The following ANKFN1 variants were observed in gnomAD, a reference collection of about 807,000 sequenced individuals.
The protein encoded by ANKFN1 is ankyrin repeat and fibronectin type III domain containing 1, also known as ankyrin repeat and fibronectin type-III domain-containing protein 1.
ANKFN1 carries 74 observed loss-of-function variants against 108.7 expected under a neutral mutation model. The ratio of observed to expected loss-of-function variants is 0.68; its 90% confidence interval spans 0.56 to 0.83. The LOEUF (loss-of-function observed/expected upper bound fraction) is 0.83, where lower values mean the gene tolerates loss of function less well. Ranked by LOEUF, ANKFN1 falls within the 40% of genes least tolerant of loss-of-function variation. The probability of loss-of-function intolerance (pLI) is 0.00; values close to 1 mark genes in which losing one functional copy is unlikely to be tolerated. For synonymous variants in ANKFN1, 547 were observed against 516.2 expected, an observed-to-expected ratio of 1.06 and a Z score of -0.81; for missense variants, 1,505 against 1,382.3, an observed-to-expected ratio of 1.09 and a Z score of -1.41.
At chr17:56,307,421 G>A (rs374689140) in intron 3 of ANKFN1, among the ~76,000 whole-genome samples, 7 of 152,280 alleles carry the variant, frequency 4.6e-5, no homozygotes, top group South Asian at 4.1e-4. Flanking sequence ...GGCGAAGGAT[G>A]TGAACAGACA....
intron 17 of ANKFN1, 71 bp downstream of exon 17, chr17:56,480,889 G>A (rs1053498376): frequency 1.8e-6 from 2 of 1,133,724 alleles, no homozygotes; most frequent in Non-Finnish European, 2.3e-6. Context: ...ATTAAGTGGG[G>A]TGTGTGTGTG....
At chr17:56,310,822 G>C (rs2045000283) in intron 3 of ANKFN1, among the ~76,000 whole-genome samples, 1 of 150,144 alleles carries the variant, frequency 6.7e-6, no homozygotes, top group East Asian at 2.1e-4. Context: ...GTACAATTCA[G>C]TATTATTAAC....
intron 3 of ANKFN1, among the ~76,000 whole-genome samples, chr17:56,303,851 A>ATTTTTTTTTTTTTTTTT (rs34077118): frequency 7.6e-6 from 1 of 131,944 alleles, no homozygotes; most frequent in African/African-American, 2.9e-5. Context: ...CGCTGAGCCA[A>ATTTTTTTTTTTTTTTTT]TTTTTTTTTT....
intron 8 of ANKFN1, among the ~76,000 whole-genome samples, chr17:56,421,308 T>C (rs896254329): frequency 6.6e-6 from 1 of 152,128 alleles, no homozygotes; most frequent in South Asian, 2.1e-4. Flanking sequence ...GAGGAACACA[T>C]AGGCACTGGG....
In ANKFN1 at chr17:56,131,214, T is replaced by A. The variant is rs571348599; in HGVS notation, c.288+84889T>A. On this transcript the variant is annotated intron_variant, in intron 4 of 12. Transcript: ENST00000635860. The stretch of plus-strand genomic sequence containing the variant: ...TCTAGGTAGCTAGAACATAAGATAG[T>A]GATTCCCAATACACCATCCATAATG... Among the ~76,000 whole-genome samples the A allele has an allele frequency of 2.8e-4, 42 of 152,342 alleles. 2 individuals are homozygous for A. In the South Asian group the frequency reaches 8.7e-3, roughly 32 times the overall value.
At position 56,071,839 on chromosome 17, in the gene ANKFN1, T is replaced by C. The variant is rs562145191; in HGVS notation, c.288+25514T>C. On this transcript the variant is annotated intron_variant, in intron 4 of 12. Coordinates refer to the ANKFN1 transcript ENST00000635860. ...ATTTAGACTCTAACCACAGTGACTT[T>C]CACCACCTTTTATAGGCAGGGTTTT... Among the ~76,000 whole-genome samples, 7 of 152,356 alleles carry C rather than the reference T, an allele frequency of 4.6e-5. No homozygotes were observed. In the South Asian group the frequency reaches 1.4e-3, roughly 32 times the overall value.
At chr17:56,152,749 C>G (rs1908736734), upstream of ANKFN1, among the ~76,000 whole-genome samples, 1 of 152,192 alleles carries the variant, frequency 6.6e-6, no homozygotes, top group Non-Finnish European at 1.5e-5. Context: ...CAAACCACTG[C>G]TCAACATACT....
chr17:56,306,193 G>A (rs547674556), intron 3 of ANKFN1, among the ~76,000 whole-genome samples: 20 of 152,222 alleles, frequency 1.3e-4, no homozygotes, highest in South Asian at 6.2e-4. Context: ...CCTAAAAAAC[G>A]TCTTGCTGAG....
chr17:56,264,898 CT>C (rs35633739), intron 3 of ANKFN1, among the ~76,000 whole-genome samples: 3 of 151,638 alleles, frequency 2.0e-5, no homozygotes, highest in South Asian at 2.1e-4. Flanking sequence ...GGTCTTTTTT[CT>C]TTTTTTTGGC....
At chr17:56,226,505 T>C (rs1195622915) in intron 2 of ANKFN1, among the ~76,000 whole-genome samples, 2 of 152,102 alleles carry the variant, frequency 1.3e-5, no homozygotes, top group Non-Finnish European at 2.9e-5. Flanking sequence ...ATTGGAGATA[T>C]TGAGTAGTTG....
intron 3 of ANKFN1, among the ~76,000 whole-genome samples, chr17:56,288,873 G>A (rs182041810): frequency 2.6e-4 from 39 of 152,238 alleles, no homozygotes; most frequent in African/African-American, 9.4e-4. Flanking sequence ...TTCTTCTCCA[G>A]CTATACGTGC....
intron 1 of ANKFN1, among the ~76,000 whole-genome samples, chr17:56,177,679 C>T (rs535636498): frequency 1.3e-5 from 2 of 152,256 alleles, no homozygotes; most frequent in South Asian, 4.1e-4. Context: ...CTCTTATAGG[C>T]TGAAGTACGT....
chr17:56,187,631 G>T (rs1912348969), intron 1 of ANKFN1, among the ~76,000 whole-genome samples: 1 of 152,040 alleles, frequency 6.6e-6, no homozygotes, highest in Non-Finnish European at 1.5e-5. Context: ...AAAGACACAT[G>T]CACATGTTTA....
chr17:56,099,233 G>A (rs112149080), intron 4 of ANKFN1, among the ~76,000 whole-genome samples: 1,647 of 152,296 alleles, frequency 0.011, 31 homozygotes, highest in African/African-American at 0.038. Context: ...CTTTCACTCT[G>A]AAGAACACAG....
chr17:56,399,325 A>C lies in ANKFN1; in HGVS notation c.910+24611A>C, dbSNP rs919259472. Among the ~76,000 whole-genome samples the C allele has an allele frequency of 1.8e-4, 28 of 152,262 alleles. 1 individual carries two copies. The highest frequency in any genetic ancestry group is 6.5e-4 in the African/African-American group (27 of 41,570). ...AGGCATTTATACCATAGTATGGTTTAATATCGAGAAAAAAACTCAACCTCA... is the reference window on the plus strand; with the variant it reads ...AGGCATTTATACCATAGTATGGTTTCATATCGAGAAAAAAACTCAACCTCA... On this transcript the variant is annotated intron_variant, in intron 8 of 20. Transcript: ENST00000682825.
chr17:56,257,111 A>C (rs965227162), intron 3 of ANKFN1, among the ~76,000 whole-genome samples: 1 of 152,194 alleles, frequency 6.6e-6, no homozygotes, highest in African/African-American at 2.4e-5. Flanking sequence ...GTTACAGTAG[A>C]TTAGTGAAAT....
At position 56,469,917 on chromosome 17, in the gene ANKFN1, A is replaced by T. The variant is rs576786580; in HGVS notation, c.1773+3346A>T. ...ATATTAAGCCCAGCATGCATTAGCT[A>T]TTTTTCCTGATGCTCTCCCTCCCCT... On this transcript the variant is annotated intron_variant, in intron 15 of 20. Transcript: ENST00000682825. Among the ~76,000 whole-genome samples, 4 of 151,818 alleles carry T rather than the reference A, an allele frequency of 2.6e-5. No individual in the cohort carries two copies. The South Asian group carries it at 8.3e-4, about 32-fold the overall frequency.
chr17:56,164,459 G>T (rs1403865797), intron 1 of ANKFN1, among the ~76,000 whole-genome samples: 1 of 152,114 alleles, frequency 6.6e-6, no homozygotes, highest in Non-Finnish European at 1.5e-5. Context: ...TGAGGGTGGG[G>T]ACTGTCTATC....
At chr17:56,325,295 C>T (rs1023566808) in intron 3 of ANKFN1, among the ~76,000 whole-genome samples, 2 of 150,318 alleles carry the variant, frequency 1.3e-5, no homozygotes, top group African/African-American at 4.9e-5. Flanking sequence ...TGTGTGTGCA[C>T]GTGTGCAGTA....
Sources: gnomAD v4.1 joint callset for allele counts (sites outside exome capture counted in the v4.1 genomes callset) on GRCh38, gnomAD v4.1.1 for gene constraint, MANE v1.5 for transcripts, NCBI Gene and HGNC (gene_info 2026-07-23, HGNC 2026-07-21) for gene names.